The following GRM3 variants were observed in gnomAD, a reference collection of about 807,000 sequenced individuals.
The protein encoded by GRM3 is metabotropic glutamate receptor 3.
Under a neutral mutation model 70.5 loss-of-function variants are expected in GRM3, and 26 were observed. That is an observed-to-expected ratio of 0.37 (90% CI 0.27 to 0.51). The LOEUF is 0.51. GRM3 is among the 20% of genes least tolerant of loss of function. The pLI is 0.93. For missense variants in GRM3, 859 were observed against 1,123.8 expected (o/e 0.76, Z 3.37); for synonymous variants, 443 against 434.9 (o/e 1.02, Z -0.23).
intron 1 of GRM3, 45 bp downstream of exon 1, chr7:86,644,917 C>T: frequency 8.7e-7 from 1 of 1,147,288 alleles, no homozygotes; most frequent in South Asian, 1.3e-5. Flanking sequence ...GGGCGCCCAG[C>T]CAGGGCGCGG....
chr7:86,671,975 C>T (rs750942593), intron 1 of GRM3, among the ~76,000 whole-genome samples: 12 of 152,104 alleles, frequency 7.9e-5, no homozygotes, highest in Admixed American at 3.3e-4. Context: ...TAAACAGGTT[C>T]GACTCAAGAA....
intron 4 of GRM3, among the ~76,000 whole-genome samples, chr7:86,847,370 G>C (rs1274760752): frequency 6.6e-6 from 1 of 152,098 alleles, no homozygotes; most frequent in Non-Finnish European, 1.5e-5. Context: ...GTGGCATTTG[G>C]TGCCACTTAA....
chr7:86,667,658 T>A (rs893056827), intron 1 of GRM3, among the ~76,000 whole-genome samples: 1 of 152,144 alleles, frequency 6.6e-6, no homozygotes. Context: ...CAATAGAGCA[T>A]AATAGGGCTA....
intron 3 of GRM3, among the ~76,000 whole-genome samples, chr7:86,794,230 T>C (rs1289559170): frequency 6.6e-6 from 1 of 152,166 alleles, no homozygotes; most frequent in Non-Finnish European, 1.5e-5. Flanking sequence ...CATAGTTTTT[T>C]CCACTTCTGT....
intron 1 of GRM3, among the ~76,000 whole-genome samples, chr7:86,671,142 TGCCTCA>T (rs1794161536): frequency 1.3e-5 from 2 of 152,196 alleles, no homozygotes; most frequent in Admixed American, 1.3e-4. Flanking sequence ...GTGACTCTCT[TGCCTCA>T]GCCTCCTGAG....
intron 3 of GRM3, among the ~76,000 whole-genome samples, chr7:86,788,570 A>AAAAT (rs1365601154): frequency 6.6e-6 from 1 of 152,234 alleles, no homozygotes; most frequent in East Asian, 1.9e-4. Context: ...AGCAATAACA[A>AAAAT]AAATAAATAA....
At chr7:86,656,425 CG>C (rs1432348094) in intron 1 of GRM3, among the ~76,000 whole-genome samples, 5 of 151,768 alleles carry the variant, frequency 3.3e-5, no homozygotes, top group South Asian at 4.2e-4. Context: ...TGCACCGCCA[CG>C]GCTGGCTAGT....
chr7:86,732,159 G>A (rs1284354036), intron 1 of GRM3, among the ~76,000 whole-genome samples: 1 of 152,062 alleles, frequency 6.6e-6, no homozygotes, highest in East Asian at 1.9e-4. Flanking sequence ...TATGTATTAA[G>A]AGCCTTCCAT....
intron 2 of GRM3, among the ~76,000 whole-genome samples, chr7:86,785,806 A>T (rs1797223219): frequency 7.1e-6 from 1 of 139,864 alleles, no homozygotes; most frequent in Non-Finnish European, 1.5e-5. Flanking sequence ...TGCCGTTTTT[A>T]GCAAAAGAGG....
chr7:86,738,171 G>C (rs1223618567), intron 1 of GRM3, among the ~76,000 whole-genome samples: 4 of 152,134 alleles, frequency 2.6e-5, no homozygotes, highest in African/African-American at 9.7e-5. Flanking sequence ...AGTGATTCAG[G>C]AACTAGTGAT....
intron 3 of GRM3, among the ~76,000 whole-genome samples, chr7:86,836,533 G>A (rs1287465057): frequency 6.6e-6 from 1 of 152,038 alleles, no homozygotes; most frequent in East Asian, 1.9e-4. Flanking sequence ...CCTACTAATG[G>A]AAGTGTGGGG....
intron 1 of GRM3, among the ~76,000 whole-genome samples, chr7:86,702,083 G>A (rs1218001860): frequency 6.6e-6 from 1 of 151,896 alleles, no homozygotes; most frequent in Non-Finnish European, 1.5e-5. Context: ...TTGTACACAT[G>A]TACCCTAAAA....
chr7:86,796,367 G>T (rs1797550581), intron 3 of GRM3, among the ~76,000 whole-genome samples: 1 of 152,132 alleles, frequency 6.6e-6, no homozygotes, highest in Admixed American at 6.5e-5. Flanking sequence ...AAGATCAGAT[G>T]ATTGTTGATG....
At chr7:86,725,306 T>A (rs1054814537) in intron 1 of GRM3, among the ~76,000 whole-genome samples, 4 of 152,142 alleles carry the variant, frequency 2.6e-5, no homozygotes, top group African/African-American at 9.7e-5. Flanking sequence ...TGCATAAAGA[T>A]CACCTCAATC....
At chr7:86,668,273 T>A (rs1018888482) in intron 1 of GRM3, among the ~76,000 whole-genome samples, 2 of 152,128 alleles carry the variant, frequency 1.3e-5, no homozygotes, top group Admixed American at 6.6e-5. Context: ...GTCAAAATTT[T>A]TTTTTTTTGT....
rs749523209 is a variant in GRM3 at position 86,839,827 on chromosome 7, A to G, written c.2313A>G (p.Ile771Met). 6.2e-7 allele frequency: 1 copy of G among 1,614,024 alleles called. No homozygotes were observed. Among genetic ancestry groups the G allele is most frequent in the Admixed American group, 1.7e-5 (1 of 60,024 alleles). The change falls in exon 4 of 6, where the codon ATA becomes ATG. Residue 771 changes from isoleucine (I) to methionine (M), a missense_variant. Physicochemically the swap from Ile to Met is conservative, Grantham distance 10 (BLOSUM62 1). Transcript: ENST00000361669. The surrounding 1 kb of genome is among the most constrained non-coding windows in gnomAD (Gnocchi z 4.5). Reference sequence around the variant, plus strand: ...AAAATTTCAACGAAGCTAAGTTCATAGGTTTTACCATGTACACCACGTGCA... The same window carrying G: ...AAAATTTCAACGAAGCTAAGTTCATGGGTTTTACCATGTACACCACGTGCA... ...CPENFNEAKFIGFTMYTTCII... is the reference protein window; with the variant it reads ...CPENFNEAKFMGFTMYTTCII...
Position 86,700,577 on chromosome 7 carries a change from G to C in GRM3, c.-141+55705G>C, listed in dbSNP as rs146852874. On this transcript the variant is annotated intron_variant, in intron 1 of 5. Coordinates refer to ENST00000361669, the MANE Select transcript of GRM3 (RefSeq NM_000840.3). The stretch of plus-strand genomic sequence containing the variant: ...TGGAATGTGTTTTCTACCTTCTTTA[G>C]CATGAGCAAAAATTGCCCCACACTA... Among the ~76,000 whole-genome samples, 536 of 151,828 alleles carry C rather than the reference G, an allele frequency of 3.5e-3. 4 individuals carry two copies. Among genetic ancestry groups the C allele is most frequent in the African/African-American group, 0.012 (508 of 41,460 alleles).
rs998716639 is a variant in GRM3 at position 86,786,647 on chromosome 7, T to A, written c.855T>A (p.Ile285=). The A allele has an allele frequency of 1.2e-6, 2 of 1,611,908 alleles. No homozygotes were observed. Among genetic ancestry groups the A allele is most frequent in the African/African-American group, 2.7e-5 (2 of 74,942 alleles). ...GCAGCGACGACTCGCGGGAGCTCAT[T>A]GCAGCCGCCAGCCGCGCCAATGCCT... The part of the protein sequence containing the change: ...FMRSDDSREL[I]AAASRANASF... The change falls in exon 3 of 6, where the codon ATT becomes ATA. Residue 285 remains isoleucine (I), a synonymous_variant. Coordinates refer to ENST00000361669, the MANE Select transcript of GRM3 (RefSeq NM_000840.3). This position sits in a 1 kb window ranked among gnomAD's most constrained non-coding sequence, Gnocchi z 6.0.
intron 1 of GRM3, among the ~76,000 whole-genome samples, chr7:86,682,486 T>C (rs1275312214): frequency 1.3e-5 from 2 of 152,190 alleles, no homozygotes; most frequent in African/African-American, 4.8e-5. Flanking sequence ...AGAGAAATTC[T>C]GCTTATTTAT....
Sources: allele counts gnomAD v4.1 joint callset (sites outside exome capture counted in the v4.1 genomes callset), GRCh38; gene constraint gnomAD v4.1.1; non-coding constraint Gnocchi (gnomAD v3.1); transcripts MANE v1.5; gene names NCBI Gene and HGNC (gene_info 2026-07-23, HGNC 2026-07-21).